The following FGF12 variants were observed in gnomAD, a reference collection of about 807,000 sequenced individuals.
FGF12 encodes fibroblast growth factor 12, also known as fibroblast growth factor 12B.
In FGF12, 14 loss-of-function variants were observed where a neutral mutation model predicts 23.6. The ratio of observed to expected loss-of-function variants is 0.59; its 90% confidence interval spans 0.39 to 0.93. FGF12 has a LOEUF of 0.93. Ranked by LOEUF, FGF12 falls within the 40% of genes least tolerant of loss-of-function variation. FGF12 has a pLI of 0.00. For missense variants in FGF12, 175 were observed against 217.8 expected (o/e 0.80, Z 1.24); for synonymous variants, 62 against 77.3 (o/e 0.80, Z 1.04).
chr3:192,417,481 G>A (rs561370186), intron 2 of FGF12, among the ~76,000 whole-genome samples: 1 of 152,096 alleles, frequency 6.6e-6, no homozygotes, highest in African/African-American at 2.4e-5. Flanking sequence ...TGGAATATAA[G>A]ATAGACACTG....
chr3:192,532,591 T>C (rs924736597), intron 2 of FGF12, among the ~76,000 whole-genome samples: 1 of 152,174 alleles, frequency 6.6e-6, no homozygotes, highest in African/African-American at 2.4e-5. Context: ...TTTGTGAACA[T>C]TGATTTTGTA....
intron 2 of FGF12, among the ~76,000 whole-genome samples, chr3:192,575,246 G>A (rs957543331): frequency 6.6e-6 from 1 of 152,152 alleles, no homozygotes; most frequent in Non-Finnish European, 1.5e-5. Flanking sequence ...GGATGCAATT[G>A]TTATATTCAT....
chr3:192,205,893 T>C (rs79783778), intron 4 of FGF12, among the ~76,000 whole-genome samples: 3,150 of 152,200 alleles, frequency 0.021, 124 homozygotes, highest in African/African-American at 0.072. Flanking sequence ...TGGCTATGCA[T>C]ATTGAAGGTC....
At chr3:192,687,044 T>A (rs1717770129) in intron 2 of FGF12, among the ~76,000 whole-genome samples, 1 of 151,452 alleles carries the variant, frequency 6.6e-6, no homozygotes, top group African/African-American at 2.4e-5. Flanking sequence ...TTAGCCAGGA[T>A]GGTCTCCATC....
At chr3:192,322,519 CA>C (rs1434547281) in intron 4 of FGF12, among the ~76,000 whole-genome samples, 1 of 151,880 alleles carries the variant, frequency 6.6e-6, no homozygotes, top group African/African-American at 2.4e-5. Context: ...CACACACACA[CA>C]CACCCCAGAA....
chr3:192,180,756 T>C (rs1312546870), intron 4 of FGF12, among the ~76,000 whole-genome samples: 1 of 152,212 alleles, frequency 6.6e-6, no homozygotes, highest in African/African-American at 2.4e-5. Flanking sequence ...CTTTCCGATG[T>C]AAGCAATTAT....
intron 4 of FGF12, among the ~76,000 whole-genome samples, chr3:192,182,372 T>C (rs1716228792): frequency 6.6e-6 from 1 of 152,224 alleles, no homozygotes. Flanking sequence ...AATAGGGTTT[T>C]ATTTCAAATC....
At chr3:192,293,354 T>C (rs1361818558) in intron 4 of FGF12, among the ~76,000 whole-genome samples, 2 of 152,200 alleles carry the variant, frequency 1.3e-5, no homozygotes, top group Admixed American at 1.3e-4. Flanking sequence ...AAATGAAGTG[T>C]ATGTATCTGG....
chr3:192,315,971 G>T lies in FGF12; in HGVS notation c.228+19390C>A, dbSNP rs915227641. 3.3e-4 allele frequency among the ~76,000 whole-genome samples: 50 copies of T among 152,258 alleles called. 2 individuals carry two copies. Among genetic ancestry groups the T allele is most frequent in the Admixed American group, 3.3e-3 (50 of 15,292 alleles). On this transcript the variant is annotated intron_variant, in intron 4 of 5. Transcript: ENST00000445105. ...AACCCAAACCGATTTATGTAAAAAG[G>T]GCAATTATTGGCTCAGGTAACTGAG...
chr3:192,480,412 A>G (rs1410906328), intron 2 of FGF12, among the ~76,000 whole-genome samples: 6 of 152,188 alleles, frequency 3.9e-5, no homozygotes, highest in Non-Finnish European at 2.9e-5. Flanking sequence ...ACGAGAGCCC[A>G]TGGCTAATTC....
chr3:192,618,468 G>A (rs1714848177), intron 2 of FGF12, among the ~76,000 whole-genome samples: 1 of 152,022 alleles, frequency 6.6e-6, no homozygotes, highest in Non-Finnish European at 1.5e-5. Context: ...TGAAAAGAAG[G>A]AAGGAAGGAA....
intron 3 of FGF12, among the ~76,000 whole-genome samples, chr3:192,349,037 T>C (rs1425619451): frequency 6.6e-6 from 1 of 152,152 alleles, no homozygotes. Flanking sequence ...ATTCCAAATA[T>C]GTAGTTCTTC....
chr3:192,532,637 T>A lies in FGF12; in HGVS notation c.14-172099A>T, dbSNP rs569983968. Among the ~76,000 whole-genome samples, 10 of 152,272 alleles carry A rather than the reference T, an allele frequency of 6.6e-5. No homozygotes were observed. The East Asian group carries it at 1.7e-3, about 26-fold the overall frequency. ...GATGCTTGTTCTTAAAGGCAGAGTT[T>A]AAAGACTCACTATGAGTGACACACA... On this transcript the variant is annotated intron_variant, in intron 2 of 5. Transcript: ENST00000445105.
At chr3:192,529,886 G>T (rs560821722) in intron 2 of FGF12, among the ~76,000 whole-genome samples, 29 of 152,276 alleles carry the variant, frequency 1.9e-4, no homozygotes, top group African/African-American at 6.7e-4. Flanking sequence ...GGGAATTCAA[G>T]ATGAGATTTG....
chr3:192,623,344 A>C (rs1715044945), intron 2 of FGF12, among the ~76,000 whole-genome samples: 1 of 152,176 alleles, frequency 6.6e-6, no homozygotes, highest in Non-Finnish European at 1.5e-5. Flanking sequence ...GGGATTTCTG[A>C]TCAGGGGATT....
At chr3:192,499,159 G>A (rs937776760) in intron 2 of FGF12, among the ~76,000 whole-genome samples, 5 of 151,922 alleles carry the variant, frequency 3.3e-5, no homozygotes, top group Admixed American at 1.3e-4. Flanking sequence ...TATATTTTAC[G>A]CTTTGGACGT....
chr3:192,185,102 C>T (rs1577213759), intron 4 of FGF12, among the ~76,000 whole-genome samples: 1 of 152,214 alleles, frequency 6.6e-6, no homozygotes, highest in Non-Finnish European at 1.5e-5. Context: ...TCAAATTCAA[C>T]TCCCTTCACA....
intron 4 of FGF12, among the ~76,000 whole-genome samples, chr3:192,228,979 C>A (rs1291418001): frequency 6.6e-6 from 1 of 151,982 alleles, no homozygotes; most frequent in Non-Finnish European, 1.5e-5. Flanking sequence ...ACATATGTAG[C>A]ATAATCCTCA....
chr3:192,566,639 A>G (rs1439936235), intron 2 of FGF12, among the ~76,000 whole-genome samples: 1 of 152,172 alleles, frequency 6.6e-6, no homozygotes, highest in African/African-American at 2.4e-5. Flanking sequence ...GGCCCATCCC[A>G]GTCTTTTAAT....
Sources: allele counts gnomAD v4.1 joint callset (sites outside exome capture counted in the v4.1 genomes callset), GRCh38; gene constraint gnomAD v4.1.1; transcripts MANE v1.5; gene names NCBI Gene and HGNC (gene_info 2026-07-23, HGNC 2026-07-21).